The following DMD variants were observed in gnomAD, a reference collection of about 807,000 sequenced individuals.
DMD encodes the protein mutant dystrophin.
In DMD, 63 loss-of-function variants were observed where a neutral mutation model predicts 330.1. The ratio of observed to expected loss-of-function variants is 0.19; its 90% CI spans 0.16 to 0.24. DMD has a LOEUF of 0.24. Ranked by LOEUF, DMD falls within the 10% of genes least tolerant of loss-of-function variation. The pLI, the probability that DMD is intolerant of heterozygous loss-of-function variation, is 1.00. For synonymous variants in DMD, 1,223 were observed against 959.8 expected (o/e 1.27, Z -5.07); for missense variants, 3,344 against 2,684.1 (o/e 1.25, Z -5.43).
chrX:32,763,151 C>A (rs781770787), intron 7 of DMD, among the ~76,000 whole-genome samples: 1 of 111,492 alleles, frequency 9.0e-6, no homozygotes, highest in African/African-American at 3.3e-5. Context: ...AGAAATGACT[C>A]TTGACATCTT....
chrX:31,490,643 T>C (rs776502140), intron 57 of DMD, among the ~76,000 whole-genome samples: 21 of 112,425 alleles, frequency 1.9e-4, no homozygotes, highest in Non-Finnish European at 3.6e-4. Context: ...TCAGAGGTGA[T>C]AGGGAACAAC....
chrX:32,464,101 T>C (rs774692489), intron 24 of DMD, among the ~76,000 whole-genome samples: 1 of 112,111 alleles, frequency 8.9e-6, no homozygotes, highest in South Asian at 3.7e-4. Flanking sequence ...CATACTGTGT[T>C]ATATTATAGT....
intron 7 of DMD, among the ~76,000 whole-genome samples, chrX:32,728,918 T>TA (rs746844563): frequency 1.8e-4 from 20 of 112,174 alleles, no homozygotes; most frequent in African/African-American, 6.5e-4. Flanking sequence ...GAAATACTTT[T>TA]ACCTATCCAC....
At chrX:32,704,143 G>T (rs747391640) in intron 7 of DMD, among the ~76,000 whole-genome samples, 1 of 111,434 alleles carries the variant, frequency 9.0e-6, no homozygotes, top group South Asian at 3.7e-4. Flanking sequence ...ATCATTTTTC[G>T]AATAAAGAAG....
chrX:32,889,637 C>G (rs773634837), intron 2 of DMD, among the ~76,000 whole-genome samples: 3 of 110,953 alleles, frequency 2.7e-5, no homozygotes, highest in South Asian at 7.7e-4. Context: ...TTTGTAATCT[C>G]CCCCACCCTT....
chrX:33,337,532 A>T (rs2054272142), intron 1 of DMD, among the ~76,000 whole-genome samples: 1 of 111,469 alleles, frequency 9.0e-6, no homozygotes, highest in Non-Finnish European at 1.9e-5. Context: ...CCACATTATA[A>T]AAAAAAATTC....
chrX:31,146,151 T>G, intron 76 of DMD, 140 bp downstream of exon 76: 1 of 769,149 alleles, frequency 1.3e-6, no homozygotes, highest in Non-Finnish European at 2.0e-6. Context: ...CTTTTTAGAC[T>G]TTTTTCGCCT....
chrX:32,720,159 C>T (rs1226032999), intron 7 of DMD, among the ~76,000 whole-genome samples: 2 of 111,249 alleles, frequency 1.8e-5, no homozygotes, highest in African/African-American at 3.3e-5. Flanking sequence ...TCAAATCATA[C>T]CTTACAAAAG....
intron 1 of DMD, among the ~76,000 whole-genome samples, chrX:33,152,665 G>A (rs766832727): frequency 1.8e-5 from 2 of 110,890 alleles, no homozygotes; most frequent in South Asian, 3.9e-4. Context: ...GTAGGCAAGC[G>A]GCTAAGTTCA....
At chrX:32,367,450 G>A (rs1239588548) in intron 34 of DMD, among the ~76,000 whole-genome samples, 1 of 112,088 alleles carries the variant, frequency 8.9e-6, no homozygotes, top group Non-Finnish European at 1.9e-5. Context: ...ATTTATATTT[G>A]GATTACTAAT....
chrX:31,536,141 T>C (rs999651244), intron 55 of DMD, among the ~76,000 whole-genome samples: 31 of 111,684 alleles, frequency 2.8e-4, no homozygotes, highest in African/African-American at 9.1e-4. Flanking sequence ...TAATATCTAT[T>C]TGGACTAGTC....
chrX:32,908,969 C>T lies in DMD; in HGVS notation c.94-59149G>A, dbSNP rs16990759. Among the ~76,000 whole-genome samples, 837 of 110,834 alleles carry T rather than the reference C, an allele frequency of 7.6e-3. 4 individuals carry two copies. Among genetic ancestry groups the T allele is most frequent in the African/African-American group, 0.026 (792 of 30,533 alleles). On this transcript the variant is annotated intron_variant, in intron 2 of 78. Transcript: ENST00000357033. ...AAGAGAAAGATGTGTTCAAGAAATC[C>T]TCACACCTTTGCATCTCACTAGGCA...
Position 32,644,299 on chromosome X carries a change from A to T in DMD, c.1164T>A (p.Asp388Glu), listed in dbSNP as rs1255281286. ...CAACCCGGCCCTGATGGGCTGTCAA[A>T]TCCATCATGTACCCCTGACAAAGAA... ...QFHTHEGYMM[D>E]LTAHQGRVGN... The change falls in exon 11 of 79, where the codon GAT (aspartate) becomes GAA (glutamate). Residue 388 changes from aspartate to glutamate, a missense_variant. Coordinates refer to ENST00000357033, the MANE Select transcript of DMD (RefSeq NM_004006.3). The T allele has an allele frequency of 8.3e-7, 1 of 1,208,550 alleles. No individual in the cohort carries two copies. The highest frequency in any genetic ancestry group is 1.8e-5 in the African/African-American group (1 of 56,940).
intron 6 of DMD, among the ~76,000 whole-genome samples, chrX:32,811,223 T>C (rs2077348904): frequency 9.4e-6 from 1 of 106,514 alleles, no homozygotes; most frequent in African/African-American, 3.4e-5. Flanking sequence ...CATGCCCCTG[T>C]GGTCCCAGCT....
chrX:31,900,625 G>A (rs1470978274), intron 47 of DMD, among the ~76,000 whole-genome samples: 1 of 111,432 alleles, frequency 9.0e-6, no homozygotes, highest in Non-Finnish European at 1.9e-5. Context: ...GTGGGGCACT[G>A]CTGAAAAGAC....
intron 52 of DMD, among the ~76,000 whole-genome samples, chrX:31,685,097 G>C (rs1257127951): frequency 9.0e-6 from 1 of 111,541 alleles, no homozygotes; most frequent in Non-Finnish European, 1.9e-5. Context: ...ATATCACCTT[G>C]GAGGAGTTCC....
At chrX:32,137,491 T>G (rs1286160755) in intron 44 of DMD, among the ~76,000 whole-genome samples, 2 of 111,687 alleles carry the variant, frequency 1.8e-5, no homozygotes, top group African/African-American at 6.5e-5. Context: ...ACAAAGATAG[T>G]GAATGACTGA....
intron 44 of DMD, among the ~76,000 whole-genome samples, chrX:32,083,845 G>T (rs1007741935): frequency 4.4e-5 from 5 of 112,561 alleles, no homozygotes; most frequent in Non-Finnish European, 9.4e-5. Context: ...TTCTGTGGCT[G>T]TTCATCGCAG....
intron 29 of DMD, among the ~76,000 whole-genome samples, chrX:32,428,937 T>C (rs1460935296): frequency 9.0e-6 from 1 of 111,661 alleles, no homozygotes; most frequent in Admixed American, 9.5e-5. Flanking sequence ...TTAGAACTGT[T>C]ATATTTTACT....
Sources: gnomAD v4.1 joint callset for allele counts (sites outside exome capture counted in the v4.1 genomes callset) on GRCh38, gnomAD v4.1.1 for gene constraint, MANE v1.5 for transcripts, NCBI Gene and HGNC (gene_info 2026-07-23, HGNC 2026-07-21) for gene names.